SCARA5: variants seen among roughly 807,000 people sequenced by gnomAD.
SCARA5 encodes scavenger receptor class A, member 5 (putative).
Under a neutral mutation model 46.3 loss-of-function variants are expected in SCARA5, and 45 were observed. The observed-to-expected ratio is 0.97, with a 90% confidence interval of 0.76 to 1.24. SCARA5 has a LOEUF of 1.24. Ranked by LOEUF, SCARA5 falls within the 50% of genes most tolerant of loss-of-function variation. The probability of loss-of-function intolerance (pLI) is 0.00; values close to 1 mark genes in which losing one functional copy is unlikely to be tolerated. For missense variants in SCARA5, 680 were observed against 689.0 expected, an observed-to-expected ratio of 0.99 and a Z score of 0.15; for synonymous variants, 333 against 306.5, an observed-to-expected ratio of 1.09 and a Z score of -0.90.
chr8:27,913,551 G>A (rs868462792), intron 4 of SCARA5, among the ~76,000 whole-genome samples: 1 of 152,068 alleles, frequency 6.6e-6, no homozygotes, highest in Non-Finnish European at 1.5e-5. Flanking sequence ...TCTGTGATTC[G>A]AGGCTTCTCA....
At chr8:27,953,561 G>A (rs951012792) in intron 3 of SCARA5, among the ~76,000 whole-genome samples, 1 of 152,248 alleles carries the variant, frequency 6.6e-6, no homozygotes, top group Admixed American at 6.5e-5. Context: ...CAGTGAGTTT[G>A]GGTTTGGGCC....
intron 3 of SCARA5, among the ~76,000 whole-genome samples, chr8:27,942,339 G>C (rs1807961636): frequency 6.6e-6 from 1 of 152,142 alleles, no homozygotes; most frequent in Non-Finnish European, 1.5e-5. Context: ...CCCCACTACT[G>C]CTCTCCCTAG....
At chr8:27,902,999 C>T (rs1807184057) in intron 7 of SCARA5, among the ~76,000 whole-genome samples, 1 of 152,170 alleles carries the variant, frequency 6.6e-6, no homozygotes, top group African/African-American at 2.4e-5. Context: ...CTTTCAAGGA[C>T]AAGGTGCTGT....
chr8:27,953,598 T>C lies in SCARA5; in HGVS notation c.241+12816A>G, dbSNP rs186628047. Among the ~76,000 whole-genome samples the C allele has an allele frequency of 4.3e-4, 66 of 152,328 alleles. No individual in the cohort carries two copies. In the East Asian group the frequency reaches 0.013, roughly 29 times the overall value. On this transcript the variant is annotated intron_variant, in intron 3 of 8. Coordinates refer to ENST00000354914, the MANE Select transcript of SCARA5 (RefSeq NM_173833.6). The stretch of plus-strand genomic sequence containing the variant: ...GTTGAATCAGAAGTCCCCAGTGCCC[T>C]TCACGTGGAGCTCTCTAGACGGCAG...
At position 27,904,673 on chromosome 8, in the gene SCARA5, C is replaced by T. The variant is rs936949241; in HGVS notation, c.1153+105G>A. 2.9e-6 allele frequency: 3 copies of T among 1,039,430 alleles called. No individual in the cohort carries two copies. In the African/African-American group the frequency reaches 4.7e-5, roughly 16 times the overall value. The allele number at this position is 1,039,430 out of a possible 1,614,324, so 64.4% of individuals were successfully genotyped here. On this transcript the variant is annotated intron_variant, in intron 7 of 8. Coordinates refer to ENST00000354914, the MANE Select transcript of SCARA5 (RefSeq NM_173833.6). ...GGAGCCTCCTTTGACACTTGAGCCC[C>T]AGCCATGGCTCCAGCCTCTGAACCT...
intron 3 of SCARA5, among the ~76,000 whole-genome samples, chr8:27,932,804 T>C (rs1807797212): frequency 6.6e-6 from 1 of 152,238 alleles, no homozygotes; most frequent in Non-Finnish European, 1.5e-5. Context: ...AATTTTTTTG[T>C]ATTTTTAGTA....
chr8:27,941,375 A>G (rs1215202421), intron 3 of SCARA5, among the ~76,000 whole-genome samples: 2 of 152,250 alleles, frequency 1.3e-5, no homozygotes, highest in Non-Finnish European at 2.9e-5. Context: ...ACTCTTGGAC[A>G]TGGGAATTTG....
At position 27,922,251 on chromosome 8, in the gene SCARA5, G is replaced by A; in HGVS notation, c.242-6C>T. 6.6e-7 allele frequency: 1 copy of A among 1,513,610 alleles called. No individual in the cohort carries two copies. Among genetic ancestry groups the A allele is most frequent in the Non-Finnish European group, 8.8e-7 (1 of 1,129,954 alleles). The allele number at this position is 1,513,610 out of a possible 1,614,324, so 93.8% of individuals were successfully genotyped here. On this transcript the variant is annotated splice_polypyrimidine_tract_variant and splice_region_variant and intron_variant, in intron 3 of 8. Transcript: ENST00000354914. The stretch of plus-strand genomic sequence containing the variant: ...GGAGCTGCGCGGCCTGGACACTGCG[G>A]AGGAGGAAGAGGGGAGACTTGAGCA...
chr8:27,970,351 T>C (rs899722695), intron 2 of SCARA5, among the ~76,000 whole-genome samples: 5 of 152,112 alleles, frequency 3.3e-5, no homozygotes, highest in African/African-American at 1.2e-4. Flanking sequence ...ACCTGAGGAC[T>C]AGCTAAAAAA....
chr8:27,949,645 C>A (rs1466933729), intron 3 of SCARA5, among the ~76,000 whole-genome samples: 2 of 152,182 alleles, frequency 1.3e-5, no homozygotes, highest in Non-Finnish European at 2.9e-5. Flanking sequence ...CAGTGCCTGA[C>A]TCACCTCCTG....
In SCARA5 at chr8:27,992,461, C is replaced by T. The variant is rs1808803903; in HGVS notation, c.-220G>A. 1 of 152,326 alleles carries T rather than the reference C, an allele frequency of 6.6e-6. No homozygotes were observed. The highest frequency in any genetic ancestry group is 1.5e-5 in the Non-Finnish European group (1 of 68,136). 9.4% of individuals were successfully genotyped at this position (152,326 alleles called of 1,614,324 possible). A position where few individuals can be genotyped will look rare whatever the true frequency, so the allele number is the denominator to read the frequency against. ...AGTCTCAGAGCAGGACCACAGGGGC[C>T]ACTTCTGCAGGAGGACCAGGTCAAG... is the stretch of plus-strand genomic sequence containing the variant. On this transcript the variant is annotated 5_prime_UTR_variant, in exon 1 of 9. Coordinates refer to ENST00000354914, the MANE Select transcript of SCARA5 (RefSeq NM_173833.6).
chr8:27,959,880 T>C (rs1044164885), intron 3 of SCARA5, among the ~76,000 whole-genome samples: 1 of 152,184 alleles, frequency 6.6e-6, no homozygotes, highest in African/African-American at 2.4e-5. Flanking sequence ...GCTGGCTCCA[T>C]CGCTCCCTCC....
intron 2 of SCARA5, among the ~76,000 whole-genome samples, chr8:27,973,833 A>C (rs1185378376): frequency 1.3e-5 from 2 of 152,246 alleles, no homozygotes; most frequent in Non-Finnish European, 2.9e-5. Context: ...ATGGGGTGAA[A>C]AAAATTCCTT....
chr8:27,904,918 C>T, intron 6 of SCARA5, 84 bp from the exon 7 acceptor site: 1 of 1,231,634 alleles, frequency 8.1e-7, no homozygotes, highest in Non-Finnish European at 1.2e-6. Context: ...GATTGATGAA[C>T]TCGAGACCAG....
At chr8:27,885,705 T>G (rs1806884751) in intron 7 of SCARA5, among the ~76,000 whole-genome samples, 1 of 152,196 alleles carries the variant, frequency 6.6e-6, no homozygotes, top group Non-Finnish European at 1.5e-5. Flanking sequence ...ACTTGCTGCC[T>G]TCTCTACTTG....
At chr8:27,884,030 C>T (rs1245029075) in intron 7 of SCARA5, among the ~76,000 whole-genome samples, 3 of 152,098 alleles carry the variant, frequency 2.0e-5, no homozygotes, top group Non-Finnish European at 2.9e-5. Context: ...TCAGAACTGG[C>T]CACATGCCTG....
At chr8:27,873,841 CAAAACCCCGTCTCTACTA>C (rs975559813) in intron 8 of SCARA5, among the ~76,000 whole-genome samples, 13 of 152,162 alleles carry the variant, frequency 8.5e-5, no homozygotes, top group African/African-American at 1.7e-4. Flanking sequence ...GTCAACATGG[CAAAACCCCGTCTCTACTA>C]AAAACCCCGT....
chr8:27,901,608 A>T (rs752637310), intron 7 of SCARA5, among the ~76,000 whole-genome samples: 1 of 152,102 alleles, frequency 6.6e-6, no homozygotes, highest in Non-Finnish European at 1.5e-5. Flanking sequence ...CCCTGGAAAC[A>T]TAAGCAGGAG....
chr8:27,917,838 G>A (rs1247985956), intron 4 of SCARA5, among the ~76,000 whole-genome samples: 1 of 152,182 alleles, frequency 6.6e-6, no homozygotes, highest in Non-Finnish European at 1.5e-5. Context: ...AAGGAAAAGA[G>A]AAGACAGGAA....
Sources: allele counts gnomAD v4.1 joint callset (sites outside exome capture counted in the v4.1 genomes callset), GRCh38; gene constraint gnomAD v4.1.1; transcripts MANE v1.5; gene names NCBI Gene and HGNC (gene_info 2026-07-23, HGNC 2026-07-21).